Variants in NALF1 observed in about 807,000 individuals in gnomAD.
The protein encoded by NALF1 is family with sequence similarity 155 member A.
Under a neutral mutation model 48.4 loss-of-function variants are expected in NALF1, and 3 were observed. The observed-to-expected ratio is 0.06, with a 90% CI of 0.03 to 0.16. The LOEUF (loss-of-function observed/expected upper bound fraction) is 0.16. NALF1 is among the 10% of genes least tolerant of loss of function. The probability of loss-of-function intolerance (pLI) is 1.00; values close to 1 mark genes in which losing one functional copy is unlikely to be tolerated. For missense variants in NALF1, 526 were observed against 571.5 expected, an observed-to-expected ratio of 0.92 and a Z score of 0.81; for synonymous variants, 262 against 245.7, an observed-to-expected ratio of 1.07 and a Z score of -0.62.
At chr13:107,284,734 T>C (rs1376088984) in intron 1 of NALF1, among the ~76,000 whole-genome samples, 2 of 152,166 alleles carry the variant, frequency 1.3e-5, no homozygotes, top group Non-Finnish European at 2.9e-5. Flanking sequence ...ACTTCCTCTC[T>C]GCTCCAACGT....
At chr13:107,433,949 C>A (rs1465428711) in intron 1 of NALF1, among the ~76,000 whole-genome samples, 1 of 152,136 alleles carries the variant, frequency 6.6e-6, no homozygotes, top group Non-Finnish European at 1.5e-5. Context: ...CACAGACAAG[C>A]AAGGCTTGTC....
At chr13:107,536,864 T>C (rs57553690) in intron 1 of NALF1, among the ~76,000 whole-genome samples, 19,044 of 151,968 alleles carry the variant, frequency 0.13, 1,485 homozygotes, top group Admixed American at 0.23. Context: ...ATTAAGAAAA[T>C]GTGGCACATA....
At position 107,712,313 on chromosome 13, in the gene NALF1, C is replaced by G. The variant is rs1018573599; in HGVS notation, c.915+153369G>C. Among the ~76,000 whole-genome samples, 8 of 152,268 alleles carry G rather than the reference C, an allele frequency of 5.3e-5. No homozygotes were observed. The East Asian group carries it at 1.5e-3, about 29-fold the overall frequency. ...TAAAAGAGGTATTAATAAACAATGG[C>G]ATTCCCAGAAAGGATTACAAAACAG... On this transcript the variant is annotated intron_variant, in intron 1 of 2. Coordinates refer to ENST00000375915, the MANE Select transcript of NALF1 (RefSeq NM_001080396.3).
chr13:107,833,687 T>C (rs1260847064), intron 1 of NALF1, among the ~76,000 whole-genome samples: 1 of 152,182 alleles, frequency 6.6e-6, no homozygotes, highest in African/African-American at 2.4e-5. Context: ...AGTCAAAAAC[T>C]TCTCAACCAA....
chr13:107,693,286 A>C lies in NALF1; in HGVS notation c.915+172396T>G, dbSNP rs1006806250. Among the ~76,000 whole-genome samples the C allele has an allele frequency of 3.0e-5, 4 of 134,948 alleles. No homozygotes were observed. The Admixed American group carries it at 3.2e-4, about 11-fold the overall frequency. The allele number at this position is 134,948 out of a possible 152,430, so 88.5% of individuals were successfully genotyped here. A position where few individuals can be genotyped will look rare whatever the true frequency, so the allele number is the denominator to read the frequency against. On this transcript the variant is annotated intron_variant, in intron 1 of 2. Transcript: ENST00000375915. ...GGAATTGAACAATGAGAACACATGGACACAGGGCGGGGAACACCACACATC... is the reference window on the plus strand; with the variant it reads ...GGAATTGAACAATGAGAACACATGGCCACAGGGCGGGGAACACCACACATC...
chr13:107,783,873 T>A (rs868161790), intron 1 of NALF1, among the ~76,000 whole-genome samples: 6 of 133,092 alleles, frequency 4.5e-5, no homozygotes, highest in Non-Finnish European at 6.5e-5. Flanking sequence ...AAATAAAAAT[T>A]AAAAAAAAAA....
rs983819200 is a variant in NALF1, at chr13:107,226,472, A to G, written c.916-15717T>C. Among the ~76,000 whole-genome samples the G allele has an allele frequency of 2.6e-5, 4 of 152,220 alleles. No homozygotes were observed. The East Asian group carries it at 5.8e-4, about 22-fold the overall frequency. ...CAATAATCTGTTTCTTTCACATGGT[A>G]TAAATGCAAAAGTTCATTTGAAACA... On this transcript the variant is annotated intron_variant, in intron 1 of 2. Coordinates refer to ENST00000375915, the MANE Select transcript of NALF1 (RefSeq NM_001080396.3).
At chr13:107,464,154 CCTAT>C (rs1019089329) in intron 1 of NALF1, among the ~76,000 whole-genome samples, 2 of 152,020 alleles carry the variant, frequency 1.3e-5, no homozygotes, top group Non-Finnish European at 2.9e-5. Flanking sequence ...CCTTTGGCAA[CCTAT>C]CTAAGTTCCA....
chr13:107,632,598 TTA>T (rs1296636179), intron 1 of NALF1, among the ~76,000 whole-genome samples: 2 of 152,048 alleles, frequency 1.3e-5, no homozygotes, highest in Non-Finnish European at 2.9e-5. Flanking sequence ...CTGTCTCCAA[TTA>T]TCTCTGTAGA....
chr13:107,474,276 C>G (rs1177944342), intron 1 of NALF1, among the ~76,000 whole-genome samples: 1 of 152,116 alleles, frequency 6.6e-6, no homozygotes, highest in African/African-American at 2.4e-5. Flanking sequence ...CAGCCAAATA[C>G]TAAACAAAAT....
intron 1 of NALF1, among the ~76,000 whole-genome samples, chr13:107,284,374 T>C (rs986268693): frequency 6.6e-6 from 1 of 151,780 alleles, no homozygotes; most frequent in Non-Finnish European, 1.5e-5. Context: ...ACAAAACAAA[T>C]TGACAGAAAC....
chr13:107,721,573 C>T (rs1460195225), intron 1 of NALF1, among the ~76,000 whole-genome samples: 1 of 152,214 alleles, frequency 6.6e-6, no homozygotes, highest in Non-Finnish European at 1.5e-5. Flanking sequence ...TGTGGCCTCA[C>T]GCTGCAGGAA....
chr13:107,623,318 A>G (rs1879577664), intron 1 of NALF1, among the ~76,000 whole-genome samples: 1 of 151,974 alleles, frequency 6.6e-6, no homozygotes, highest in African/African-American at 2.4e-5. Context: ...GCAAACACCA[A>G]TTTTCCTGAC....
chr13:107,201,441 G>C (rs1462724091), intron 2 of NALF1, among the ~76,000 whole-genome samples: 1 of 152,154 alleles, frequency 6.6e-6, no homozygotes, highest in Non-Finnish European at 1.5e-5. Flanking sequence ...GCCGGACGTG[G>C]TGGCGGGCGC....
intron 1 of NALF1, among the ~76,000 whole-genome samples, chr13:107,786,196 C>A (rs753074508): frequency 6.6e-6 from 1 of 151,966 alleles, no homozygotes; most frequent in Non-Finnish European, 1.5e-5. Context: ...GCGGGCAGAT[C>A]ATCTGAGGTC....
chr13:107,381,626 T>C (rs956285255), intron 1 of NALF1, among the ~76,000 whole-genome samples: 2 of 151,972 alleles, frequency 1.3e-5, no homozygotes, highest in African/African-American at 2.4e-5. Context: ...CTGGGAATGA[T>C]AGACGTTGGG....
At chr13:107,411,969 A>T (rs1376314229) in intron 1 of NALF1, among the ~76,000 whole-genome samples, 2 of 152,156 alleles carry the variant, frequency 1.3e-5, no homozygotes, top group African/African-American at 4.8e-5. Context: ...TGGAGGCCAC[A>T]AGGTTGACCT....
Position 107,824,238 on chromosome 13 carries a change from A to G in NALF1, c.915+41444T>C, listed in dbSNP as rs1297132120. Among the ~76,000 whole-genome samples the G allele has an allele frequency of 3.3e-5, 5 of 152,214 alleles. No homozygotes were observed. The East Asian group carries it at 9.7e-4, about 29-fold the overall frequency. On this transcript the variant is annotated intron_variant, in intron 1 of 2. Transcript: ENST00000375915. ...AGGGACCATATCACTAAATTGTCTG[A>G]TTGTTAATATAGGGACCATATCACT... is the stretch of plus-strand genomic sequence containing the variant.
intron 1 of NALF1, among the ~76,000 whole-genome samples, chr13:107,238,175 T>C (rs1880392308): frequency 6.6e-6 from 1 of 152,060 alleles, no homozygotes; most frequent in African/African-American, 2.4e-5. Context: ...GTTGCAGGGG[T>C]CAAATCCATA....
Sources: gnomAD v4.1 joint callset for allele counts (sites outside exome capture counted in the v4.1 genomes callset) on GRCh38, gnomAD v4.1.1 for gene constraint, MANE v1.5 for transcripts, NCBI Gene and HGNC (gene_info 2026-07-23, HGNC 2026-07-21) for gene names.